EPB41L5: variants seen among roughly 807,000 people sequenced by gnomAD.
EPB41L5 encodes erythrocyte membrane protein band 4.1 like 5.
Under a neutral mutation model 106.6 loss-of-function variants are expected in EPB41L5, and 55 were observed. That is an observed-to-expected ratio of 0.52 (90% CI 0.42 to 0.65). The LOEUF is 0.65. EPB41L5 is among the 30% of genes least tolerant of loss of function. EPB41L5 has a pLI of 0.00. For missense variants in EPB41L5, 871 were observed against 882.1 expected, an observed-to-expected ratio of 0.99 and a Z score of 0.16; for synonymous variants, 297 against 306.7, an observed-to-expected ratio of 0.97 and a Z score of 0.33.
intron 4 of EPB41L5, 113 bp from the exon 5 acceptor site, chr2:120,073,987 A>G (rs1682056457): frequency 2.6e-6 from 2 of 769,504 alleles, no homozygotes; most frequent in Non-Finnish European, 4.2e-6. Flanking sequence ...CAATAATGCC[A>G]TAAAAACCTC....
rs1028793528 is a variant in EPB41L5 at position 120,049,306 on chromosome 2, T to G, written c.285+7196T>G. ...TATTGTGTGGGAGTCTAAGTCTCTT[T>G]GTAGGTCTCTAAGGACTTGCTTTAT... is the stretch of plus-strand genomic sequence containing the variant. On this transcript the variant is annotated intron_variant, in intron 3 of 24. Transcript: ENST00000263713. 2.0e-4 allele frequency among the ~76,000 whole-genome samples: 30 copies of G among 152,238 alleles called. 1 individual carries two copies. Among genetic ancestry groups the G allele is most frequent in the Admixed American group, 1.5e-3 (23 of 15,280 alleles).
intron 1 of EPB41L5, among the ~76,000 whole-genome samples, chr2:120,017,851 G>T (rs1019485947): frequency 6.6e-6 from 1 of 152,106 alleles, no homozygotes; most frequent in Non-Finnish European, 1.5e-5. Flanking sequence ...GGGCTGGAGT[G>T]CAGTGAGGCA....
chr2:120,022,313 C>G (rs1380568843), intron 2 of EPB41L5, among the ~76,000 whole-genome samples: 1 of 152,060 alleles, frequency 6.6e-6, no homozygotes, highest in Non-Finnish European at 1.5e-5. Context: ...AGGTATTTCT[C>G]CTAATACTAT....
intron 22 of EPB41L5, among the ~76,000 whole-genome samples, chr2:120,166,389 AT>A (rs1313105507): frequency 6.6e-6 from 1 of 151,658 alleles, no homozygotes; most frequent in Non-Finnish European, 1.5e-5. Flanking sequence ...TATTTATGAT[AT>A]TTTTTCTCTC....
At chr2:120,084,203 C>A (rs1049664404) in intron 10 of EPB41L5, among the ~76,000 whole-genome samples, 1 of 152,134 alleles carries the variant, frequency 6.6e-6, no homozygotes, top group Non-Finnish European at 1.5e-5. Context: ...TTAGTTGATG[C>A]AGTTTCTTCC....
chr2:120,020,832 G>T (rs71338943), intron 2 of EPB41L5, among the ~76,000 whole-genome samples: 2 of 33,296 alleles, frequency 6.0e-5, no homozygotes, highest in Non-Finnish European at 1.6e-4. Flanking sequence ...AAAAAAAAGA[G>T]GTTTTTAAAA....
At chr2:120,049,816 C>T (rs1046857007) in intron 3 of EPB41L5, among the ~76,000 whole-genome samples, 7 of 152,074 alleles carry the variant, frequency 4.6e-5, no homozygotes, top group South Asian at 2.1e-4. Flanking sequence ...TGTTCCTTTC[C>T]GTGTTTAGTG....
At chr2:120,077,165 A>T in intron 8 of EPB41L5, 64 bp from the exon 9 acceptor site, 1 of 1,584,678 alleles carries the variant, frequency 6.3e-7, no homozygotes, top group Non-Finnish European at 8.6e-7. Context: ...TTCTGTTTCT[A>T]TCCTTGGTAT....
chr2:120,118,024 A>G lies in EPB41L5; in HGVS notation c.1338-9664A>G, dbSNP rs138506005. On this transcript the variant is annotated intron_variant, in intron 16 of 24. Transcript: ENST00000263713. The stretch of plus-strand genomic sequence containing the variant: ...GTGCGAAAGTTTTAAAAGTTTTTAT[A>G]TAAGCAGATTGATCCGTTTTTTCTT... 5.3e-5 allele frequency among the ~76,000 whole-genome samples: 8 copies of G among 152,352 alleles called. No homozygotes were observed. In the East Asian group the frequency reaches 1.2e-3, roughly 22 times the overall value.
chr2:120,131,787 C>T, intron 18 of EPB41L5, 72 bp downstream of exon 18: 2 of 1,153,520 alleles, frequency 1.7e-6, no homozygotes, highest in Admixed American at 1.9e-5. Flanking sequence ...TTTCCAAAGA[C>T]AGTACTTTCT....
chr2:120,177,021 C>T lies in EPB41L5; in HGVS notation c.*2114C>T, dbSNP rs2105590762. 6.6e-6 allele frequency: 1 copy of T among 152,256 alleles called. No homozygotes were observed. Among genetic ancestry groups the T allele is most frequent in the South Asian group, 2.1e-4 (1 of 4,822 alleles). The allele number at this position is 152,256 out of a possible 1,614,324, so 9.4% of individuals were successfully genotyped here. ...TGTCTCATGCCCTGACATGAAGTGGCAAACACGGAAGTTCATACTTGAATG... is the reference window on the plus strand; with the variant it reads ...TGTCTCATGCCCTGACATGAAGTGGTAAACACGGAAGTTCATACTTGAATG... On this transcript the variant is annotated 3_prime_UTR_variant, in exon 25 of 25. Transcript: ENST00000263713.
At chr2:120,021,327 G>A (rs1427099513) in intron 2 of EPB41L5, among the ~76,000 whole-genome samples, 1 of 149,930 alleles carries the variant, frequency 6.7e-6, no homozygotes, top group African/African-American at 2.5e-5. Flanking sequence ...GTGACAGCAA[G>A]ACTCCGTCTC....
At chr2:120,090,264 A>G (rs1683318224) in intron 11 of EPB41L5, 83 bp from the exon 12 acceptor site, 9 of 1,151,302 alleles carry the variant, frequency 7.8e-6, no homozygotes, top group South Asian at 3.4e-5. Flanking sequence ...TCCTTTATTC[A>G]TGGATGTGTT....
At position 120,065,293 on chromosome 2, in the gene EPB41L5, A is replaced by AT. The variant is rs1330333029; in HGVS notation, c.286-7874dup. On this transcript the variant is annotated intron_variant, in intron 3 of 24. Coordinates refer to ENST00000263713, the MANE Select transcript of EPB41L5 (RefSeq NM_020909.4). ...ACCATGCTCAGCTAATTAAAAAAAA[A>AT]TTTTTTTTTTTGGAGACCGGTCTTA... Among the ~76,000 whole-genome samples, 271 of 147,672 alleles carry AT rather than the reference A, an allele frequency of 1.8e-3. 1 individual carries two copies. The highest frequency in any genetic ancestry group is 3.1e-3 in the Admixed American group (46 of 14,724).
At chr2:120,028,049 A>G (rs1318819295) in intron 2 of EPB41L5, among the ~76,000 whole-genome samples, 1 of 151,986 alleles carries the variant, frequency 6.6e-6, no homozygotes, top group Non-Finnish European at 1.5e-5. Context: ...TTTTTAGTAG[A>G]GAAAGGGTTT....
intron 18 of EPB41L5, among the ~76,000 whole-genome samples, chr2:120,141,442 G>T (rs1436378341): frequency 1.3e-5 from 2 of 152,110 alleles, no homozygotes; most frequent in African/African-American, 4.8e-5. Flanking sequence ...CTGGGTTTAA[G>T]AACATAGACT....
chr2:120,121,342 A>C (rs1342682080), intron 16 of EPB41L5, among the ~76,000 whole-genome samples: 1 of 152,008 alleles, frequency 6.6e-6, no homozygotes, highest in Admixed American at 6.5e-5. Context: ...TCCTAATGCT[A>C]TCCCTCCCCC....
rs537559696 is a variant in EPB41L5 at position 120,100,775 on chromosome 2, T to TTCCACAGAGTCC, written c.1300_1311dup (p.Pro434_Pro437dup). ...CCTGTGCCAGTGGAGATAGAGAATC[T>TTCCACAGAGTCC]TCCACAGAGTCCTGGAACAGACCAG... On this transcript the variant is annotated inframe_insertion, in exon 16 of 25. Transcript: ENST00000263713. 1.3e-3 allele frequency: 2,020 copies of TTCCACAGAGTCC among 1,612,204 alleles called. 4 individuals are homozygous for TTCCACAGAGTCC. Among genetic ancestry groups the TTCCACAGAGTCC allele is most frequent in the Non-Finnish European group, 1.2e-3 (1,398 of 1,178,864 alleles).
Position 120,043,533 on chromosome 2 carries a change from C to T in EPB41L5, c.285+1423C>T, listed in dbSNP as rs374370648. On this transcript the variant is annotated intron_variant, in intron 3 of 24. Transcript: ENST00000263713. ...CTACACTCCAGCTTGGGTGACAGAG[C>T]GAGACCCTGTCTCAAAAAAAACAAA... 8.7e-5 allele frequency among the ~76,000 whole-genome samples: 13 copies of T among 150,124 alleles called. No individual in the cohort carries two copies. In the East Asian group the frequency reaches 2.0e-3, roughly 23 times the overall value.
Sources: allele counts gnomAD v4.1 joint callset (sites outside exome capture counted in the v4.1 genomes callset), GRCh38; gene constraint gnomAD v4.1.1; transcripts MANE v1.5; gene names NCBI Gene and HGNC (gene_info 2026-07-23, HGNC 2026-07-21).